The following FBXO4 variants were observed in gnomAD, a reference collection of about 807,000 sequenced individuals.
FBXO4 encodes the protein F-box only protein 4.
A neutral mutation model predicts 43.7 loss-of-function variants in FBXO4; 36 were observed. That is an observed-to-expected ratio of 0.82 (90% CI 0.63 to 1.09). The LOEUF is 1.09. FBXO4 is among the 50% of genes least tolerant of loss of function. FBXO4 has a pLI of 0.00. For synonymous variants in FBXO4, 180 were observed against 165.6 expected, an observed-to-expected ratio of 1.09 and a Z score of -0.67; for missense variants, 435 against 474.1, an observed-to-expected ratio of 0.92 and a Z score of 0.77.
At chr5:41,968,573 CT>C in the FBXO4 span, among the ~76,000 whole-genome samples, 2 of 152,132 alleles carry the variant, frequency 1.3e-5, no homozygotes, top group African/African-American at 2.4e-5. Context: ...TGGGCAAATG[CT>C]TTTCAACTTT....
At chr5:41,989,546 T>C in the FBXO4 span, among the ~76,000 whole-genome samples, 1 of 152,230 alleles carries the variant, frequency 6.6e-6, no homozygotes, top group Non-Finnish European at 1.5e-5. Context: ...CATTAAAATA[T>C]ATTTGCCTTG....
the FBXO4 span, among the ~76,000 whole-genome samples, chr5:41,954,580 C>T: frequency 6.6e-6 from 1 of 152,180 alleles, no homozygotes; most frequent in South Asian, 2.1e-4. Flanking sequence ...AAATAACTTA[C>T]AGCTATTTGA....
chr5:41,966,984 A>G, the FBXO4 span, among the ~76,000 whole-genome samples: 1 of 152,180 alleles, frequency 6.6e-6, no homozygotes, highest in Non-Finnish European at 1.5e-5. Flanking sequence ...CTGCAGAGCT[A>G]TGTCACACAC....
At chr5:41,944,947 A>G (rs577406677), downstream of FBXO4, among the ~76,000 whole-genome samples, 5 of 152,344 alleles carry the variant, frequency 3.3e-5, no homozygotes, top group African/African-American at 1.2e-4. Flanking sequence ...TTAAAATGAT[A>G]GCAGAAGTGA....
the FBXO4 span, among the ~76,000 whole-genome samples, chr5:41,993,642 G>GATATATATATATATATATATATATAT: frequency 9.4e-6 from 1 of 106,950 alleles, no homozygotes; most frequent in Non-Finnish European, 1.9e-5. Flanking sequence ...TATATATATC[G>GATATATATATATATATATATATATAT]TTTTATGTAT....
the FBXO4 span, among the ~76,000 whole-genome samples, chr5:41,965,287 C>A: frequency 6.6e-6 from 1 of 152,112 alleles, no homozygotes; most frequent in African/African-American, 2.4e-5. Context: ...GTTACTGTAG[C>A]CTTGCAGTAT....
chr5:41,931,219 A>G (rs1358687141), intron 3 of FBXO4, among the ~76,000 whole-genome samples: 1 of 152,248 alleles, frequency 6.6e-6, no homozygotes, highest in Non-Finnish European at 1.5e-5. Flanking sequence ...TAATGTTATG[A>G]TTAAAATATG....
chr5:41,929,704 ATG>A lies in FBXO4; in HGVS notation c.436_437del (p.Cys146LeufsTer30), dbSNP rs762709459. ...AFFDYMAVYRMCCPYTRRASK... is the reference protein window; with the variant it reads ...AFFDYMAVYRXCCPYTRRASK... ...TGTGACAATTTTTTACAGCTATAGA[ATG>A]TGCTGTCCATACACAAGAAGAGCTT... On this transcript the variant is annotated frameshift_variant, in exon 3 of 7. Coordinates refer to ENST00000281623, the MANE Select transcript of FBXO4 (RefSeq NM_012176.3). LOFTEE classifies it high-confidence loss of function. 1.2e-6 allele frequency: 2 copies of A among 1,600,922 alleles called. No homozygotes were observed. Among genetic ancestry groups the A allele is most frequent in the Non-Finnish European group, 1.7e-6 (2 of 1,175,290 alleles).
At chr5:41,994,493 T>C in the FBXO4 span, among the ~76,000 whole-genome samples, 7 of 152,184 alleles carry the variant, frequency 4.6e-5, no homozygotes, top group African/African-American at 1.7e-4. Context: ...TTTTTCCTGA[T>C]GGAGTGACCC....
chr5:42,032,034 TCTCA>T, the FBXO4 span, among the ~76,000 whole-genome samples: 1 of 150,678 alleles, frequency 6.6e-6, no homozygotes, highest in Non-Finnish European at 1.5e-5. Flanking sequence ...GTAGTCTCTC[TCTCA>T]CTCTCTCTGT....
the FBXO4 span, among the ~76,000 whole-genome samples, chr5:42,019,474 A>C: frequency 1.3e-5 from 2 of 152,168 alleles, no homozygotes; most frequent in Non-Finnish European, 2.9e-5. Context: ...GGATCACCTG[A>C]GGTCAAGAGT....
chr5:41,956,941 A>G, the FBXO4 span, among the ~76,000 whole-genome samples: 1 of 151,362 alleles, frequency 6.6e-6, no homozygotes, highest in Non-Finnish European at 1.5e-5. Context: ...CGAACTCCTG[A>G]CCTTAGGTGA....
the FBXO4 span, among the ~76,000 whole-genome samples, chr5:42,037,280 C>A: frequency 6.6e-6 from 1 of 152,074 alleles, no homozygotes; most frequent in South Asian, 2.1e-4. Flanking sequence ...GGATGAGAGG[C>A]AAGGTTATGA....
chr5:41,999,638 G>A, the FBXO4 span, among the ~76,000 whole-genome samples: 1 of 148,870 alleles, frequency 6.7e-6, no homozygotes, highest in African/African-American at 2.5e-5. Flanking sequence ...CTGCAAGCTT[G>A]AGGAGCAAAG....
chr5:41,980,288 A>C, the FBXO4 span, among the ~76,000 whole-genome samples: 1 of 152,214 alleles, frequency 6.6e-6, no homozygotes. Context: ...TATATTCAGG[A>C]TAACATTTGG....
At position 41,941,218 on chromosome 5, in the gene FBXO4, G is replaced by A; in HGVS notation, c.1101G>A (p.Leu367=). The change falls in exon 7 of 7, where the codon CTG becomes CTA. Residue 367 remains leucine (L), a synonymous_variant. Transcript: ENST00000281623. ...WLVQDTEAET[L]TGFLNGIEWI... is the part of the protein sequence containing the mutation. ...TCCAGGATACAGAGGCTGAAACTCT[G>A]ACTGGTTTTTTGAATGGCATTGAGT... 6.2e-7 allele frequency: 1 copy of A among 1,613,758 alleles called. No individual in the cohort carries two copies. Among genetic ancestry groups the A allele is most frequent in the Middle Eastern group, 1.7e-4 (1 of 6,058 alleles).
At chr5:41,996,263 G>A in the FBXO4 span, among the ~76,000 whole-genome samples, 2 of 152,180 alleles carry the variant, frequency 1.3e-5, no homozygotes, top group Non-Finnish European at 2.9e-5. Context: ...GGCTAGATGG[G>A]TCAGAAAGCA....
chr5:41,928,404 G>C (rs1235920188), intron 2 of FBXO4: 2 of 149,968 alleles, frequency 1.3e-5, no homozygotes, highest in Non-Finnish European at 2.9e-5. Context: ...GAGCGATCTC[G>C]GCTCACTGCA....
chr5:41,961,162 C>T, the FBXO4 span, among the ~76,000 whole-genome samples: 1 of 152,112 alleles, frequency 6.6e-6, no homozygotes, highest in African/African-American at 2.4e-5. Context: ...ACCTCAACAT[C>T]CCTGTCTGCT....
Sources: gnomAD v4.1 joint callset for allele counts (sites outside exome capture counted in the v4.1 genomes callset) on GRCh38, gnomAD v4.1.1 for gene constraint, MANE v1.5 for transcripts, NCBI Gene and HGNC (gene_info 2026-07-23, HGNC 2026-07-21) for gene names.